The following CABLES1 variants were observed in gnomAD, a reference collection of about 807,000 sequenced individuals.
The protein encoded by CABLES1 is CDK5 and ABL1 enzyme substrate 1.
In CABLES1, 36 loss-of-function variants were observed where a neutral mutation model predicts 57.8. The observed-to-expected ratio is 0.62, with a 90% CI of 0.48 to 0.82. The LOEUF (loss-of-function observed/expected upper bound fraction) is 0.82, where lower values mean the gene tolerates loss of function less well. CABLES1 is among the 40% of genes least tolerant of loss of function. The probability of loss-of-function intolerance (pLI) is 0.00; values close to 1 mark genes in which losing one functional copy is unlikely to be tolerated. For synonymous variants in CABLES1, 374 were observed against 363.0 expected (o/e 1.03, Z -0.35); for missense variants, 767 against 836.6 (o/e 0.92, Z 1.03).
chr18:23,148,474 G>T (rs1045179313), intron 1 of CABLES1, among the ~76,000 whole-genome samples: 1 of 152,168 alleles, frequency 6.6e-6, no homozygotes, highest in Non-Finnish European at 1.5e-5. Context: ...ACAGAGTTGG[G>T]TCTTTGTCCA....
At chr18:23,229,548 TC>T (rs2047552344) in intron 4 of CABLES1, among the ~76,000 whole-genome samples, 1 of 152,254 alleles carries the variant, frequency 6.6e-6, no homozygotes, top group Non-Finnish European at 1.5e-5. Flanking sequence ...ATTCTCTAGC[TC>T]TATTTCCTGG....
chr18:23,218,188 G>A (rs1413028924), intron 4 of CABLES1, among the ~76,000 whole-genome samples: 2 of 152,180 alleles, frequency 1.3e-5, no homozygotes, highest in African/African-American at 4.8e-5. Context: ...ATCTGTCGGG[G>A]TGGCCTGAAC....
chr18:23,138,632 T>G (rs535583858), intron 1 of CABLES1, among the ~76,000 whole-genome samples: 9 of 152,228 alleles, frequency 5.9e-5, no homozygotes, highest in African/African-American at 2.2e-4. Context: ...GCTTGTCTTA[T>G]CACTAGAGTA....
At chr18:23,172,253 G>C (rs1244878509) in intron 1 of CABLES1, among the ~76,000 whole-genome samples, 1 of 152,154 alleles carries the variant, frequency 6.6e-6, no homozygotes, top group Non-Finnish European at 1.5e-5. Context: ...GACAGAGTTG[G>C]ATCTGAACCC....
intron 4 of CABLES1, among the ~76,000 whole-genome samples, chr18:23,216,924 AT>A (rs1314053595): frequency 1.3e-5 from 2 of 152,122 alleles, no homozygotes; most frequent in Non-Finnish European, 2.9e-5. Flanking sequence ...TATTCAGCAG[AT>A]TTGGCTGCTG....
chr18:23,147,272 G>A (rs562855196), intron 1 of CABLES1, among the ~76,000 whole-genome samples: 1 of 152,386 alleles, frequency 6.6e-6, no homozygotes, highest in East Asian at 1.9e-4. Context: ...AGAGTGGAAA[G>A]ACCAGCTTTG....
intron 4 of CABLES1, among the ~76,000 whole-genome samples, chr18:23,225,212 GCAGTTCC>G (rs1440722482): frequency 6.6e-6 from 1 of 152,208 alleles, no homozygotes; most frequent in East Asian, 1.9e-4. Flanking sequence ...CTTGAACTTA[GCAGTTCC>G]CAGTCAGGTT....
At chr18:23,220,957 T>G (rs1018111047) in intron 4 of CABLES1, among the ~76,000 whole-genome samples, 1 of 152,190 alleles carries the variant, frequency 6.6e-6, no homozygotes, top group Non-Finnish European at 1.5e-5. Flanking sequence ...ATGCACTGGC[T>G]CTCTGCAGAG....
chr18:23,203,776 C>G (rs2047343132), intron 3 of CABLES1, among the ~76,000 whole-genome samples: 1 of 152,076 alleles, frequency 6.6e-6, no homozygotes, highest in Non-Finnish European at 1.5e-5. Context: ...TGCTTTTTCT[C>G]CCTAAAATGA....
Position 23,177,418 on chromosome 18 carries a change from T to TACACACACACACACACACAC in CABLES1, c.846-11403_846-11384dup, listed in dbSNP as rs10692529. Among the ~76,000 whole-genome samples the TACACACACACACACACACAC allele has an allele frequency of 2.1e-5, 3 of 144,638 alleles. No individual in the cohort carries two copies. The East Asian group carries it at 6.3e-4, about 30-fold the overall frequency. 94.9% of individuals were successfully genotyped at this position (144,638 alleles called of 152,430 possible). The stretch of plus-strand genomic sequence containing the variant: ...AAGGTGCTATGTGTGAGCACATGTG[T>TACACACACACACACACACAC]ACACACACACACACACACACACACA... On this transcript the variant is annotated intron_variant, in intron 1 of 9. Transcript: ENST00000256925.
Position 23,139,738 on chromosome 18 carries a change from T to C in CABLES1, c.845+3131T>C, listed in dbSNP as rs752293078. Among the ~76,000 whole-genome samples, 4 of 152,182 alleles carry C rather than the reference T, an allele frequency of 2.6e-5. No homozygotes were observed. In the East Asian group the frequency reaches 7.7e-4, roughly 29 times the overall value. ...GAGAGGTTGAGTAATTTCTCCCAGC[T>C]ACTGAGAGGCACATATGATAATCTA... On this transcript the variant is annotated intron_variant, in intron 1 of 9. Transcript: ENST00000256925.
intron 4 of CABLES1, among the ~76,000 whole-genome samples, chr18:23,217,376 C>A (rs921569527): frequency 7.2e-5 from 11 of 152,164 alleles, no homozygotes; most frequent in Non-Finnish European, 1.5e-4. Flanking sequence ...AGCCACTGTA[C>A]CCAGCTAGAA....
In CABLES1 at chr18:23,257,326, G is replaced by A. The variant is rs746942462; in HGVS notation, c.1861G>A (p.Glu621Lys). 1.1e-5 allele frequency: 18 copies of A among 1,613,834 alleles called. No individual in the cohort carries two copies. Among genetic ancestry groups the A allele is most frequent in the East Asian group, 6.7e-5 (3 of 44,854 alleles). The change falls in exon 10 of 10, where the codon GAA (glutamate) becomes AAA (lysine). Residue 621 changes from glutamate (E) to lysine (K), a missense_variant. By Grantham distance (56) the Glu-to-Lys change is moderately conservative. This residue lies in a region of CABLES1 where 25 missense variants were observed against 23.1 expected (regional missense o/e 1.08). Transcript: ENST00000256925. The stretch of plus-strand genomic sequence containing the variant: ...ATTCGCCCTCCACTTGCCCGAGCAC[G>A]AAGTCATGCCCCACTACAGACGGCT... ...LEFALHLPEH[E>K]VMPHYRRLVQ... is the part of the protein sequence containing the mutation.
intron 1 of CABLES1, among the ~76,000 whole-genome samples, chr18:23,179,016 T>G (rs1454489794): frequency 6.6e-6 from 1 of 152,234 alleles, no homozygotes; most frequent in Non-Finnish European, 1.5e-5. Flanking sequence ...CCGGGCGTGG[T>G]GGCTCACACC....
intron 4 of CABLES1, among the ~76,000 whole-genome samples, chr18:23,229,480 A>G (rs143720908): frequency 6.6e-6 from 1 of 152,230 alleles, no homozygotes; most frequent in African/African-American, 2.4e-5. Context: ...GGCTCTTTCA[A>G]AGAAAGTGAA....
intron 4 of CABLES1, among the ~76,000 whole-genome samples, chr18:23,230,937 G>C (rs1168943721): frequency 1.3e-5 from 2 of 152,330 alleles, no homozygotes; most frequent in Non-Finnish European, 1.5e-5. Flanking sequence ...TGCCAGATGT[G>C]AATTACGAAT....
chr18:23,164,116 A>C (rs2047024156), intron 1 of CABLES1, among the ~76,000 whole-genome samples: 1 of 152,178 alleles, frequency 6.6e-6, no homozygotes, highest in Non-Finnish European at 1.5e-5. Context: ...CCCCTTTGTA[A>C]AGAAGTATAA....
intron 2 of CABLES1, 67 bp from the exon 3 acceptor site, chr18:23,194,381 T>C: frequency 3.1e-6 from 3 of 972,914 alleles, no homozygotes; most frequent in African/African-American, 1.6e-5. Flanking sequence ...TTCCTGTCTT[T>C]ATGTGGAGAC....
At chr18:23,218,128 A>C (rs1766144723) in intron 4 of CABLES1, among the ~76,000 whole-genome samples, 1 of 152,190 alleles carries the variant, frequency 6.6e-6, no homozygotes, top group Non-Finnish European at 1.5e-5. Flanking sequence ...TAAAAACAGG[A>C]ATCTCGTAGT....
Sources: gnomAD v4.1 joint callset for allele counts (sites outside exome capture counted in the v4.1 genomes callset) on GRCh38, gnomAD v4.1.1 for gene constraint, gnomAD v4.1.1 regional missense constraint, MANE v1.5 for transcripts, NCBI Gene and HGNC (gene_info 2026-07-23, HGNC 2026-07-21) for gene names.